GALNT10: variants seen among roughly 807,000 people sequenced by gnomAD.
The protein encoded by GALNT10 is polypeptide N-acetylgalactosaminyltransferase 10, also known as GalNAc transferase 10.
GALNT10 carries 41 observed loss-of-function variants against 75.0 expected under a neutral mutation model. The observed-to-expected ratio is 0.55, with a 90% CI of 0.43 to 0.71. GALNT10 has a LOEUF of 0.71. GALNT10 is among the 30% of genes least tolerant of loss of function. The pLI is 0.00. For missense variants in GALNT10, 727 were observed against 818.5 expected, an observed-to-expected ratio of 0.89 and a Z score of 1.36; for synonymous variants, 302 against 313.0, an observed-to-expected ratio of 0.96 and a Z score of 0.37.
chr5:154,196,680 G>A (rs1217089620), intron 1 of GALNT10, among the ~76,000 whole-genome samples: 1 of 152,170 alleles, frequency 6.6e-6, no homozygotes, highest in Non-Finnish European at 1.5e-5. Context: ...ACAAAAGACA[G>A]AGAACATCTT....
At chr5:154,337,463 T>A in intron 4 of GALNT10, 1 of 704,770 alleles carries the variant, frequency 1.4e-6, no homozygotes, top group Non-Finnish European at 2.6e-6. Flanking sequence ...TTTCTTGCAG[T>A]AATTAAAATC....
intron 1 of GALNT10, among the ~76,000 whole-genome samples, chr5:154,199,821 GCTCTGCCA>G (rs1774998904): frequency 2.6e-5 from 4 of 152,208 alleles, no homozygotes; most frequent in Non-Finnish European, 5.9e-5. Flanking sequence ...CTCAGGCCCA[GCTCTGCCA>G]CTTGCTGGCT....
chr5:154,238,511 T>G (rs1753282515), intron 1 of GALNT10, among the ~76,000 whole-genome samples: 1 of 152,186 alleles, frequency 6.6e-6, no homozygotes, highest in African/African-American at 2.4e-5. Context: ...TCTCCCCACG[T>G]GCATCTTCTC....
intron 1 of GALNT10, among the ~76,000 whole-genome samples, chr5:154,193,380 C>T (rs561465258): frequency 4.6e-5 from 7 of 152,298 alleles, no homozygotes; most frequent in South Asian, 2.1e-4. Flanking sequence ...GCCCCCAGTC[C>T]GTTGTTTGAA....
At chr5:154,360,401 C>T (rs1206620442) in intron 4 of GALNT10, among the ~76,000 whole-genome samples, 2 of 149,534 alleles carry the variant, frequency 1.3e-5, no homozygotes, top group African/African-American at 4.9e-5. Context: ...CAGTGAGCCA[C>T]GATTGCGCCA....
chr5:154,220,996 C>A (rs1752969211), intron 1 of GALNT10, among the ~76,000 whole-genome samples: 1 of 152,160 alleles, frequency 6.6e-6, no homozygotes, highest in African/African-American at 2.4e-5. Flanking sequence ...GCCATCTGTG[C>A]CTGCAGGGTC....
At chr5:154,308,968 G>A (rs559977875) in intron 3 of GALNT10, among the ~76,000 whole-genome samples, 7 of 152,144 alleles carry the variant, frequency 4.6e-5, no homozygotes, top group African/African-American at 1.7e-4. Context: ...TCCACTGGGG[G>A]TAGGGGTGGG....
At chr5:154,396,353 C>A (rs1345443827) in intron 7 of GALNT10, among the ~76,000 whole-genome samples, 2 of 152,146 alleles carry the variant, frequency 1.3e-5, no homozygotes, top group Non-Finnish European at 2.9e-5. Flanking sequence ...GGGAGTCCAG[C>A]GGGTATGGAG....
At chr5:154,404,758 C>T (rs1009453159) in intron 8 of GALNT10, among the ~76,000 whole-genome samples, 24 of 152,072 alleles carry the variant, frequency 1.6e-4, no homozygotes, top group African/African-American at 5.1e-4. Flanking sequence ...GGAAAGCTTG[C>T]GTACTAAATT....
intron 3 of GALNT10, among the ~76,000 whole-genome samples, chr5:154,317,217 T>G (rs1754606488): frequency 6.6e-6 from 1 of 152,204 alleles, no homozygotes; most frequent in Non-Finnish European, 1.5e-5. Context: ...TGACTTACAT[T>G]TCAGTTTGAT....
chr5:154,360,114 C>A (rs1351725644), intron 4 of GALNT10, among the ~76,000 whole-genome samples: 4 of 152,032 alleles, frequency 2.6e-5, no homozygotes, highest in Admixed American at 2.0e-4. Flanking sequence ...GGGAAATAAG[C>A]AATGCCATAT....
At chr5:154,397,808 G>A (rs951911864) in intron 7 of GALNT10, among the ~76,000 whole-genome samples, 1 of 152,186 alleles carries the variant, frequency 6.6e-6, no homozygotes, top group Non-Finnish European at 1.5e-5. Flanking sequence ...TAGCTTCCAG[G>A]CAGCCATTTC....
At chr5:154,289,997 T>C (rs1391629003) in intron 1 of GALNT10, among the ~76,000 whole-genome samples, 2 of 152,206 alleles carry the variant, frequency 1.3e-5, no homozygotes, top group Non-Finnish European at 2.9e-5. Flanking sequence ...TGGATTGTCC[T>C]CAGAGGCTCC....
intron 4 of GALNT10, among the ~76,000 whole-genome samples, chr5:154,365,903 C>T (rs1755467982): frequency 6.6e-6 from 1 of 152,212 alleles, no homozygotes; most frequent in South Asian, 2.1e-4. Flanking sequence ...AGAGGCAATA[C>T]ACTATTCTTT....
At chr5:154,216,743 A>G (rs950689292) in intron 1 of GALNT10, among the ~76,000 whole-genome samples, 3 of 152,180 alleles carry the variant, frequency 2.0e-5, no homozygotes, top group East Asian at 1.9e-4. Context: ...CTAGTCCATC[A>G]TTATTTATTT....
chr5:154,411,620 G>A (rs1481833437), intron 9 of GALNT10, among the ~76,000 whole-genome samples: 1 of 152,224 alleles, frequency 6.6e-6, no homozygotes, highest in East Asian at 1.9e-4. Flanking sequence ...AGCAGTCACA[G>A]AGCCCTTGCC....
At chr5:154,358,284 T>A (rs1755327620) in intron 4 of GALNT10, among the ~76,000 whole-genome samples, 1 of 151,922 alleles carries the variant, frequency 6.6e-6, no homozygotes, top group Admixed American at 6.6e-5. Flanking sequence ...GAAAGTGGGG[T>A]CTCCTTGGGG....
intron 1 of GALNT10, among the ~76,000 whole-genome samples, chr5:154,284,172 C>T (rs1754080985): frequency 1.3e-5 from 2 of 152,166 alleles, no homozygotes; most frequent in South Asian, 2.1e-4. Flanking sequence ...TCATTTAATC[C>T]TCATAATAAC....
At chr5:154,391,129 C>T (rs974643680) in intron 7 of GALNT10, among the ~76,000 whole-genome samples, 3 of 152,230 alleles carry the variant, frequency 2.0e-5, no homozygotes, top group African/African-American at 7.2e-5. Flanking sequence ...GGAAAGACTG[C>T]CTGCAGGGCT....
Sources: allele counts gnomAD v4.1 joint callset (sites outside exome capture counted in the v4.1 genomes callset), GRCh38; gene constraint gnomAD v4.1.1; transcripts MANE v1.5; gene names NCBI Gene and HGNC (gene_info 2026-07-23, HGNC 2026-07-21).